The following KIAA1217 variants were observed in gnomAD, a reference collection of about 807,000 sequenced individuals.
The protein encoded by KIAA1217 is KIAA1217.
A neutral mutation model predicts 163.9 loss-of-function variants in KIAA1217; 88 were observed. The observed-to-expected ratio is 0.54, with a 90% confidence interval of 0.45 to 0.64. The LOEUF (loss-of-function observed/expected upper bound fraction) is 0.64, where lower values mean the gene tolerates loss of function less well. Ranked by LOEUF, KIAA1217 falls within the 30% of genes least tolerant of loss-of-function variation. The probability of loss-of-function intolerance (pLI) is 0.00; values close to 1 mark genes in which losing one functional copy is unlikely to be tolerated. For synonymous variants in KIAA1217, 903 were observed against 923.1 expected (o/e 0.98, Z 0.39); for missense variants, 2,372 against 2,475.0 (o/e 0.96, Z 0.88).
intron 1 of KIAA1217, among the ~76,000 whole-genome samples, chr10:23,948,680 T>G (rs889001932): frequency 6.6e-6 from 1 of 152,130 alleles, no homozygotes; most frequent in Non-Finnish European, 1.5e-5. Flanking sequence ...TTGGTTTTGG[T>G]TTTTGCTTTG....
At chr10:23,998,686 G>T (rs1846610937) in intron 1 of KIAA1217, among the ~76,000 whole-genome samples, 1 of 152,208 alleles carries the variant, frequency 6.6e-6, no homozygotes, top group Non-Finnish European at 1.5e-5. Flanking sequence ...CAACAGGGGA[G>T]AATTAGTTGG....
chr10:23,983,572 G>A (rs2131418525), intron 1 of KIAA1217, among the ~76,000 whole-genome samples: 1 of 152,186 alleles, frequency 6.6e-6, no homozygotes, highest in South Asian at 2.1e-4. Context: ...CCAAGGGAAG[G>A]GGGAATGGTG....
intron 2 of KIAA1217, among the ~76,000 whole-genome samples, chr10:24,117,218 G>A (rs1434683434): frequency 6.6e-6 from 1 of 152,024 alleles, no homozygotes; most frequent in Non-Finnish European, 1.5e-5. Flanking sequence ...TGTATTTTTA[G>A]TAGAGACAGG....
chr10:24,318,216 G>GGATA (rs1332392222), intron 2 of KIAA1217, among the ~76,000 whole-genome samples: 1 of 143,376 alleles, frequency 7.0e-6, no homozygotes, highest in African/African-American at 3.0e-5. Context: ...ATAGATAGAT[G>GGATA]GATAGATAGA....
chr10:23,988,287 G>A (rs1212010155), intron 1 of KIAA1217, among the ~76,000 whole-genome samples: 1 of 152,328 alleles, frequency 6.6e-6, no homozygotes, highest in Non-Finnish European at 1.5e-5. Flanking sequence ...GGCTTTAGCA[G>A]ATGTGGAATT....
At chr10:24,146,551 TGG>T (rs1360688159) in intron 2 of KIAA1217, among the ~76,000 whole-genome samples, 1 of 151,932 alleles carries the variant, frequency 6.6e-6, no homozygotes, top group Non-Finnish European at 1.5e-5. Context: ...CCAGGTATGG[TGG>T]AACACGCCTG....
chr10:24,256,046 CAAAAAAAA>C (rs11358712), intron 2 of KIAA1217, among the ~76,000 whole-genome samples: 3 of 79,102 alleles, frequency 3.8e-5, no homozygotes, highest in Admixed American at 3.3e-4. Flanking sequence ...CTCAGATGAC[CAAAAAAAA>C]AAAAAAAAAA....
At chr10:23,757,169 C>G (rs551855038) in intron 1 of KIAA1217, among the ~76,000 whole-genome samples, 25 of 152,120 alleles carry the variant, frequency 1.6e-4, no homozygotes, top group Admixed American at 8.5e-4. Flanking sequence ...GCGATTAATG[C>G]TTCTATGAAC....
rs541456105 is a variant in KIAA1217 at position 23,833,141 on chromosome 10, A to G, written c.-321+137907A>G. 7.2e-5 allele frequency among the ~76,000 whole-genome samples: 11 copies of G among 152,302 alleles called. No homozygotes were observed. The South Asian group carries it at 1.5e-3, about 20-fold the overall frequency. ...ATCTAGACTCCAGTATATCTGTAAA[A>G]TGGAGATAGTAATAACACCTATTTT... On this transcript the variant is annotated intron_variant, in intron 1 of 18. Coordinates refer to the KIAA1217 transcript ENST00000376462.
chr10:24,524,793 C>T (rs1173391808), intron 13 of KIAA1217, 29 bp downstream of exon 13: 4 of 1,530,740 alleles, frequency 2.6e-6, no homozygotes, highest in Non-Finnish European at 1.8e-6. Flanking sequence ...TTCTCATAAC[C>T]CCATAAAGGA....
intron 2 of KIAA1217, among the ~76,000 whole-genome samples, chr10:24,332,875 C>G (rs1196328008): frequency 2.0e-5 from 3 of 151,974 alleles, no homozygotes; most frequent in Non-Finnish European, 4.4e-5. Context: ...CAGAAAATGG[C>G]CAGGTCGGTG....
intron 2 of KIAA1217, among the ~76,000 whole-genome samples, chr10:24,084,916 T>TC (rs2061646277): frequency 2.0e-5 from 3 of 147,140 alleles, no homozygotes. Flanking sequence ...TTTACTTTTT[T>TC]TTTTTTTTTT....
At chr10:24,442,991 A>G (rs1485363727) in intron 5 of KIAA1217, among the ~76,000 whole-genome samples, 1 of 148,894 alleles carries the variant, frequency 6.7e-6, no homozygotes, top group Admixed American at 6.7e-5. Flanking sequence ...GCTCATTGCA[A>G]CCTCTGCCTC....
At chr10:24,360,730 ACGTAAT>A (rs894604957) in intron 2 of KIAA1217, among the ~76,000 whole-genome samples, 29 of 152,212 alleles carry the variant, frequency 1.9e-4, no homozygotes, top group Non-Finnish European at 3.7e-4. Context: ...GCAACTCGAA[ACGTAAT>A]CAACGTGAGG....
intron 1 of KIAA1217, among the ~76,000 whole-genome samples, chr10:23,811,999 C>T (rs1003207285): frequency 6.6e-6 from 1 of 152,054 alleles, no homozygotes; most frequent in Non-Finnish European, 1.5e-5. Flanking sequence ...GTGAGGGGAT[C>T]GCTTGAGCCC....
At chr10:24,207,290 A>T (rs995528170), upstream of KIAA1217, among the ~76,000 whole-genome samples, 6 of 148,508 alleles carry the variant, frequency 4.0e-5, no homozygotes, top group African/African-American at 1.5e-4. Context: ...TCTCACACAC[A>T]CACACACACA....
chr10:24,245,127 C>T (rs10508671), intron 2 of KIAA1217, among the ~76,000 whole-genome samples: 18,841 of 152,046 alleles, frequency 0.12, 2,012 homozygotes, highest in African/African-American at 0.25. Context: ...GTCTATATGG[C>T]GGTCTAACTT....
chr10:24,380,823 T>G (rs1388179452), intron 2 of KIAA1217, 46 bp from the exon 3 acceptor site: 6 of 1,369,096 alleles, frequency 4.4e-6, no homozygotes, highest in African/African-American at 2.9e-5. Context: ...TTCCACACGA[T>G]TAATAATAGT....
intron 2 of KIAA1217, among the ~76,000 whole-genome samples, chr10:24,160,759 G>A (rs931956401): frequency 6.6e-6 from 1 of 152,110 alleles, no homozygotes; most frequent in Admixed American, 6.5e-5. Flanking sequence ...AATAAATTGA[G>A]TATATTAGAG....
Sources: gnomAD v4.1 joint callset for allele counts (sites outside exome capture counted in the v4.1 genomes callset) on GRCh38, gnomAD v4.1.1 for gene constraint, MANE v1.5 for transcripts, NCBI Gene and HGNC (gene_info 2026-07-23, HGNC 2026-07-21) for gene names.